ADCY7: variants seen among roughly 807,000 people sequenced by gnomAD.
ADCY7 encodes adenylate cyclase type 7.
A neutral mutation model predicts 120.6 loss-of-function variants in ADCY7; 72 were observed. The observed-to-expected ratio is 0.60, with a 90% CI of 0.49 to 0.73. The LOEUF (loss-of-function observed/expected upper bound fraction) is 0.73. ADCY7 is among the 30% of genes least tolerant of loss of function. The pLI, the probability that ADCY7 is intolerant of heterozygous loss-of-function variation, is 0.00. For missense variants in ADCY7, 1,227 were observed against 1,486.0 expected (o/e 0.83, Z 2.87); for synonymous variants, 661 against 628.0 (o/e 1.05, Z -0.78).
intron 22 of ADCY7, 132 bp from the exon 23 acceptor site, chr16:50,313,825 AG>A: frequency 1.5e-6 from 1 of 687,026 alleles, no homozygotes. Context: ...CTCAGCTGGC[AG>A]GGCAGCCATG....
At chr16:50,313,890 A>G in intron 22 of ADCY7, 68 bp from the exon 23 acceptor site, 1 of 1,362,104 alleles carries the variant, frequency 7.3e-7, no homozygotes, top group Non-Finnish European at 1.0e-6. Flanking sequence ...ACCCTTCCTG[A>G]GAAGCAGGGG....
Position 50,308,659 on chromosome 16 carries a change from C to T in ADCY7, c.1936-8C>T, listed in dbSNP as rs745720583. On this transcript the variant is annotated splice_polypyrimidine_tract_variant and splice_region_variant and intron_variant, in intron 16 of 25. Coordinates refer to ENST00000673801, the MANE Select transcript of ADCY7 (RefSeq NM_001114.5). Reference sequence around the variant, plus strand: ...GGCTCTGGGTGACTTGACCCTGTTACCCCACAGAGGTGCTGCCCAGCTCGG... The same window carrying T: ...GGCTCTGGGTGACTTGACCCTGTTATCCCACAGAGGTGCTGCCCAGCTCGG... 4.4e-6 allele frequency: 7 copies of T among 1,607,652 alleles called. No homozygotes were observed. The African/African-American group carries it at 9.4e-5, about 21-fold the overall frequency.
chr16:50,282,207 T>A (rs1171074373), intron 1 of ADCY7, among the ~76,000 whole-genome samples: 1 of 152,224 alleles, frequency 6.6e-6, no homozygotes, highest in Non-Finnish European at 1.5e-5. Flanking sequence ...GGGTGTCCTG[T>A]CTGCATCTGT....
At chr16:50,271,581 C>T (rs953770974) in intron 1 of ADCY7, among the ~76,000 whole-genome samples, 2 of 152,168 alleles carry the variant, frequency 1.3e-5, no homozygotes, top group Non-Finnish European at 2.9e-5. Flanking sequence ...TTTCTCCTGG[C>T]TTGTGAGGCC....
intron 24 of ADCY7, 179 bp from the exon 25 acceptor site, chr16:50,314,835 T>C (rs1395184097): frequency 1.4e-5 from 10 of 704,704 alleles, no homozygotes; most frequent in Non-Finnish European, 2.3e-5. Context: ...GGCCGGGGAA[T>C]GCCCTCCTCA....
In ADCY7 at chr16:50,307,010, ACTGCTGGTGGCCACCCCTCACAGTCC is replaced by A; in HGVS notation, c.1753-33_1753-8del. On this transcript the variant is annotated splice_polypyrimidine_tract_variant and intron_variant, in intron 14 of 25. Coordinates refer to ENST00000673801, the MANE Select transcript of ADCY7 (RefSeq NM_001114.5). Reference sequence around the variant, plus strand: ...ACTGGAGGCAGGGTGGGCAAGTGGCACTGCTGGTGGCCACCCCTCACAGTCCCTGCTGCCCCCAGTACCGCCTGGCA... The same window carrying A: ...ACTGGAGGCAGGGTGGGCAAGTGGCACTGCTGCCCCCAGTACCGCCTGGCA... 6.5e-7 allele frequency: 1 copy of A among 1,533,222 alleles called. No individual in the cohort carries two copies. The highest frequency in any genetic ancestry group is 8.9e-7 in the Non-Finnish European group (1 of 1,119,240). 95.0% of individuals were successfully genotyped at this position (1,533,222 alleles called of 1,614,324 possible).
rs140842945 is a variant in ADCY7 at position 50,309,629 on chromosome 16, C to G, written c.2143C>G (p.Leu715Val). ...LLAASSKTRA[L>V]CEPLPYYTCS... ...GGCCGCGAGCAGCAAGACAAGAGCC[C>G]TGTGTGAGCCCCTCCCGGTGAGTGC... is the stretch of plus-strand genomic sequence containing the variant. The change falls in exon 18 of 26, where the codon CTG becomes GTG. Residue 715 changes from leucine (L) to valine (V), a missense_variant. Physicochemically the swap from Leu to Val is conservative, Grantham distance 32 (BLOSUM62 1). This residue lies in a region of ADCY7 where 267 missense variants were observed against 270.0 expected (regional missense o/e 0.99). Transcript: ENST00000673801. The G allele has an allele frequency of 3.7e-5, 59 of 1,610,904 alleles. No homozygotes were observed. In the Admixed American group the frequency reaches 9.5e-4, roughly 26 times the overall value.
In ADCY7 at chr16:50,298,993, C is replaced by T. The variant is rs1264991232; in HGVS notation, c.1038C>T (p.Asn346=). The change falls in exon 8 of 26, where the codon AAC becomes AAT. Residue 346 remains asparagine, a synonymous_variant. Coordinates refer to ENST00000673801, the MANE Select transcript of ADCY7 (RefSeq NM_001114.5). ...TGTCGCTGCCTACCCACGCCCGGAA[C>T]TGCGTGAAGATGGGGCTGGACATGT... is the stretch of plus-strand genomic sequence containing the variant. ...LPVSLPTHAR[N]CVKMGLDMCQ... 2 of 1,613,116 alleles carry T rather than the reference C, an allele frequency of 1.2e-6. No individual in the cohort carries two copies. The highest frequency in any genetic ancestry group is 2.2e-5 in the East Asian group (1 of 44,864).
intron 1 of ADCY7, among the ~76,000 whole-genome samples, chr16:50,260,156 T>C (rs112467565): frequency 3.9e-5 from 6 of 152,348 alleles, no homozygotes; most frequent in African/African-American, 1.2e-4. Context: ...CTCACACGGC[T>C]GGCTGCACTG....
At chr16:50,281,661 G>A (rs1327095124) in intron 1 of ADCY7, among the ~76,000 whole-genome samples, 1 of 152,226 alleles carries the variant, frequency 6.6e-6, no homozygotes, top group Non-Finnish European at 1.5e-5. Flanking sequence ...CACTGGGAAG[G>A]CCTCTTGGTA....
At chr16:50,311,671 T>C (rs763255680) in intron 19 of ADCY7, 22 bp from the exon 20 acceptor site, 1 of 1,577,768 alleles carries the variant, frequency 6.3e-7, no homozygotes, top group Non-Finnish European at 8.7e-7. Context: ...TGGGAGTGAC[T>C]TGGGCCTCCC....
At chr16:50,308,531 A>C in intron 16 of ADCY7, 120 bp downstream of exon 16, 1 of 1,560,624 alleles carries the variant, frequency 6.4e-7, no homozygotes, top group Non-Finnish European at 8.7e-7. Flanking sequence ...TTGGGTGCCC[A>C]TCTCTCCTGC....
At chr16:50,289,188 T>C (rs541280940) in intron 2 of ADCY7, 77 of 322,682 alleles carry the variant, frequency 2.4e-4, no homozygotes, top group Non-Finnish European at 4.1e-4. Flanking sequence ...AGAATCCTCC[T>C]TTTGTTTTTT....
chr16:50,313,441 A>AC (rs2036599926), intron 22 of ADCY7: 2 of 181,758 alleles, frequency 1.1e-5, no homozygotes, highest in Non-Finnish European at 1.2e-5. Flanking sequence ...ACAACAAAAA[A>AC]AAAACGACGT....
intron 14 of ADCY7, among the ~76,000 whole-genome samples, chr16:50,306,336 T>C (rs1385664035): frequency 1.3e-5 from 2 of 151,928 alleles, no homozygotes; most frequent in Non-Finnish European, 2.9e-5. Context: ...AGCCCAGGGG[T>C]GCTGCTATAC....
chr16:50,283,568 A>T (rs1000509743), intron 1 of ADCY7, among the ~76,000 whole-genome samples: 2 of 152,250 alleles, frequency 1.3e-5, no homozygotes, highest in Non-Finnish European at 2.9e-5. Context: ...GGTCGGGAGA[A>T]GGGACATTGC....
At position 50,299,659 on chromosome 16, in the gene ADCY7, A is replaced by G. The variant is rs566953556; in HGVS notation, c.1076+628A>G. The stretch of plus-strand genomic sequence containing the variant: ...CCTGTCCTTCTCCTGAAGTCCTGCC[A>G]TAGGTGGCTGGTGTTGCCAGAAAGA... On this transcript the variant is annotated intron_variant, in intron 8 of 25. Coordinates refer to ENST00000673801, the MANE Select transcript of ADCY7 (RefSeq NM_001114.5). Among the ~76,000 whole-genome samples the G allele has an allele frequency of 2.6e-5, 4 of 152,342 alleles. No homozygotes were observed. The South Asian group carries it at 6.2e-4, about 24-fold the overall frequency.
At chr16:50,315,316 T>C (rs1184009788) in intron 25 of ADCY7, 43 bp from the exon 26 acceptor site, 1 of 1,590,700 alleles carries the variant, frequency 6.3e-7, no homozygotes, top group African/African-American at 1.3e-5. Flanking sequence ...ATGACAGGTG[T>C]TCTTCCCGCC....
At chr16:50,262,103 ACTGT>A (rs373721435), upstream of ADCY7, among the ~76,000 whole-genome samples, 5 of 152,204 alleles carry the variant, frequency 3.3e-5, no homozygotes, top group East Asian at 7.7e-4. Context: ...TGACAGCTTG[ACTGT>A]CTGCTTCGTT....
Sources: allele counts gnomAD v4.1 joint callset (sites outside exome capture counted in the v4.1 genomes callset), GRCh38; gene constraint gnomAD v4.1.1; regional missense constraint gnomAD v4.1.1; transcripts MANE v1.5; gene names NCBI Gene and HGNC (gene_info 2026-07-23, HGNC 2026-07-21).